AKAP19: variants seen among roughly 807,000 people sequenced by gnomAD.
AKAP19 encodes the protein A-kinase anchoring protein 19.
At chr2:189,912,151 A>C in the AKAP19 span, among the ~76,000 whole-genome samples, 1 of 151,874 alleles carries the variant, frequency 6.6e-6, no homozygotes, top group Non-Finnish European at 1.5e-5. Flanking sequence ...TGTTTTTTTC[A>C]GTTGTTTTTG....
the AKAP19 span, among the ~76,000 whole-genome samples, chr2:190,042,673 A>G: frequency 6.6e-6 from 1 of 152,088 alleles, no homozygotes; most frequent in Non-Finnish European, 1.5e-5. Flanking sequence ...TGAACAATGC[A>G]TAGAATATAA....
the AKAP19 span, among the ~76,000 whole-genome samples, chr2:190,129,627 C>A: frequency 6.6e-6 from 1 of 151,598 alleles, no homozygotes; most frequent in African/African-American, 2.4e-5. Flanking sequence ...ATGTTGTTCT[C>A]GGTGGGTTGC....
At chr2:190,041,861 AAAG>A in the AKAP19 span, among the ~76,000 whole-genome samples, 1 of 152,334 alleles carries the variant, frequency 6.6e-6, no homozygotes, top group South Asian at 2.1e-4. Flanking sequence ...TCCTGAGGAT[AAAG>A]CCTACTTGAT....
the AKAP19 span, among the ~76,000 whole-genome samples, chr2:190,142,613 A>G: frequency 1.3e-5 from 2 of 152,200 alleles, no homozygotes; most frequent in South Asian, 4.1e-4. Flanking sequence ...GTAAACTTCT[A>G]GGCCTCCACA....
the AKAP19 span, chr2:189,923,413 TGTG>T: frequency 6.2e-7 from 1 of 1,613,662 alleles, no homozygotes; most frequent in Non-Finnish European, 8.5e-7. Context: ...TCAACACTCT[TGTG>T]GTCAAGAAAT....
chr2:190,140,612 A>G, the AKAP19 span, among the ~76,000 whole-genome samples: 1 of 152,280 alleles, frequency 6.6e-6, no homozygotes, highest in African/African-American at 2.4e-5. Flanking sequence ...CCTTTTAGCC[A>G]CAGCTGGGAC....
the AKAP19 span, among the ~76,000 whole-genome samples, chr2:190,093,703 G>C: frequency 4.6e-5 from 7 of 151,870 alleles, no homozygotes; most frequent in African/African-American, 1.7e-4. Flanking sequence ...TGATCTCTTC[G>C]CTTTCATTCA....
chr2:190,031,313 G>T, the AKAP19 span, among the ~76,000 whole-genome samples: 1 of 152,194 alleles, frequency 6.6e-6, no homozygotes, highest in Non-Finnish European at 1.5e-5. Context: ...ATTGTGTCTT[G>T]AATCCCATGC....
the AKAP19 span, among the ~76,000 whole-genome samples, chr2:190,034,687 A>C: frequency 1.3e-5 from 2 of 151,644 alleles, no homozygotes; most frequent in Non-Finnish European, 2.9e-5. Flanking sequence ...TCTACTAAAA[A>C]TACAAAAAAT....
At chr2:190,163,209 C>T in the AKAP19 span, among the ~76,000 whole-genome samples, 1 of 151,274 alleles carries the variant, frequency 6.6e-6, no homozygotes, top group Non-Finnish European at 1.5e-5. Context: ...CCGAGACGGG[C>T]GGATCACGAG....
At chr2:190,016,244 G>A in the AKAP19 span, among the ~76,000 whole-genome samples, 3 of 152,208 alleles carry the variant, frequency 2.0e-5, no homozygotes, top group Admixed American at 6.5e-5. Flanking sequence ...AATTTGTAAA[G>A]GGAAGAGGTT....
At chr2:189,961,992 T>C in the AKAP19 span, among the ~76,000 whole-genome samples, 1 of 152,060 alleles carries the variant, frequency 6.6e-6, no homozygotes, top group Admixed American at 6.5e-5. Context: ...TACAAATGAA[T>C]GGCCATTATT....
the AKAP19 span, among the ~76,000 whole-genome samples, chr2:190,135,896 A>G: frequency 6.6e-6 from 1 of 152,184 alleles, no homozygotes; most frequent in African/African-American, 2.4e-5. Flanking sequence ...CATTCTCATT[A>G]TTAGTATGAG....
At chr2:190,088,688 T>C in the AKAP19 span, among the ~76,000 whole-genome samples, 2 of 152,192 alleles carry the variant, frequency 1.3e-5, no homozygotes, top group Non-Finnish European at 2.9e-5. Flanking sequence ...TTTAGTTAAC[T>C]AGATCAAGTG....
the AKAP19 span, among the ~76,000 whole-genome samples, chr2:189,882,712 A>G: frequency 6.6e-6 from 1 of 152,116 alleles, no homozygotes; most frequent in African/African-American, 2.4e-5. Flanking sequence ...ATCAGTTTAC[A>G]TTGCCAGGGT....
At chr2:189,897,695 A>G in the AKAP19 span, among the ~76,000 whole-genome samples, 2 of 152,156 alleles carry the variant, frequency 1.3e-5, no homozygotes, top group South Asian at 4.1e-4. Flanking sequence ...TATCAGTGTA[A>G]TATCTACTTA....
the AKAP19 span, among the ~76,000 whole-genome samples, chr2:189,956,448 C>T: frequency 6.6e-6 from 1 of 151,876 alleles, no homozygotes; most frequent in African/African-American, 2.4e-5. Flanking sequence ...GGATTACAGG[C>T]GTGAGCCACC....
At chr2:189,984,534 A>C in the AKAP19 span, among the ~76,000 whole-genome samples, 10 of 152,152 alleles carry the variant, frequency 6.6e-5, no homozygotes, top group Admixed American at 2.6e-4. Context: ...CATGCTGTAC[A>C]ATTTGTGCAG....
At chr2:189,982,012 G>C in the AKAP19 span, among the ~76,000 whole-genome samples, 1 of 148,518 alleles carries the variant, frequency 6.7e-6, no homozygotes, top group Non-Finnish European at 1.5e-5. Flanking sequence ...GCATCTTGCA[G>C]GTGTGCTTTA....
Sources: allele counts gnomAD v4.1 joint callset (sites outside exome capture counted in the v4.1 genomes callset), GRCh38; gene constraint gnomAD v4.1.1; transcripts MANE v1.5; gene names NCBI Gene and HGNC (gene_info 2026-07-23, HGNC 2026-07-21).